The following LRP6 variants were observed in gnomAD, a reference collection of about 807,000 sequenced individuals.
The protein encoded by LRP6 is LDL receptor related protein 6.
LRP6 carries 43 observed loss-of-function variants against 184.1 expected under a neutral mutation model. The ratio of observed to expected loss-of-function variants is 0.23; its 90% CI spans 0.18 to 0.30. The LOEUF (loss-of-function observed/expected upper bound fraction) is 0.30, where lower values mean the gene tolerates loss of function less well. Among genes scored for constraint, LRP6 ranks in the 10% least tolerant of loss-of-function variants. The probability of loss-of-function intolerance (pLI) is 1.00; values close to 1 mark genes in which losing one functional copy is unlikely to be tolerated. For missense variants in LRP6, 1,571 were observed against 2,005.3 expected, an observed-to-expected ratio of 0.78 and a Z score of 4.14; for synonymous variants, 719 against 684.9, an observed-to-expected ratio of 1.05 and a Z score of -0.78.
Position 12,181,434 on chromosome 12 carries a change from T to A in LRP6, c.982A>T (p.Thr328Ser). Residue 328 changes from threonine to serine, a missense_variant, in exon 6 of 23, where the codon ACA (threonine) becomes TCA (serine). Around this residue, in one of 4 missense-constraint regions of LRP6, gnomAD observed 640 missense variants for 851.9 expected, o/e 0.75. Transcript: ENST00000261349. The stretch of plus-strand genomic sequence containing the variant: ...CTTCGAGCTAAAAGCAATAATTCTG[T>A]GGCACCTAGAACAACAAAGTGAAAT... ...ENGKTCKDGA[T>S]ELLLLARRTD... 8.4e-7 allele frequency: 1 copy of A among 1,192,816 alleles called. No homozygotes were observed. The highest frequency in any genetic ancestry group is 2.3e-5 in the East Asian group (1 of 43,004). 73.9% of individuals were successfully genotyped at this position (1,192,816 alleles called of 1,614,324 possible).
chr12:12,173,138 G>GA (rs1173664415), intron 7 of LRP6, among the ~76,000 whole-genome samples: 1 of 152,020 alleles, frequency 6.6e-6, no homozygotes, highest in Non-Finnish European at 1.5e-5. Context: ...TCCAGGAAAC[G>GA]AAAAAATTGA....
chr12:12,155,671 C>G, intron 12 of LRP6: 3 of 981,818 alleles, frequency 3.1e-6, no homozygotes, highest in Non-Finnish European at 4.9e-6. Context: ...CTGGGTTCAA[C>G]TGAAGCGCCA....
Position 12,244,617 on chromosome 12 carries a change from G to C in LRP6, c.94C>G (p.Arg32Gly), listed in dbSNP as rs1865140275. 2.7e-5 allele frequency: 43 copies of C among 1,613,812 alleles called. No homozygotes were observed. The highest frequency in any genetic ancestry group is 3.5e-5 in the Non-Finnish European group (41 of 1,180,000). The part of the protein sequence containing the change: ...LLLYANRRDL[R>G]LVDATNGKEN... ...TTGCCATTTGTAGCATCAACCAATC[G>C]CAAGTCCCGTCTGTTTGCATAAAGC... Residue 32 changes from arginine to glycine, a missense_variant, in exon 2 of 23, where the codon CGA becomes GGA. Coordinates refer to ENST00000261349, the MANE Select transcript of LRP6 (RefSeq NM_002336.3).
At chr12:12,146,977 C>T (rs1291013178) in intron 15 of LRP6, among the ~76,000 whole-genome samples, 1 of 152,150 alleles carries the variant, frequency 6.6e-6, no homozygotes, top group Non-Finnish European at 1.5e-5. Flanking sequence ...ACGGTGAAAC[C>T]CTGTCTCTAC....
In LRP6 at chr12:12,158,929, A is replaced by T. The variant is rs1862668469; in HGVS notation, c.2691T>A (p.Asn897Lys). 1 of 1,614,112 alleles carries T rather than the reference A, an allele frequency of 6.2e-7. No homozygotes were observed. Among genetic ancestry groups the T allele is most frequent in the Admixed American group, 1.7e-5 (1 of 60,018 alleles). ...CCAAGCAGAGGTGGGAGCAGTGCCCATTGCTGGAAGCACATTCATTCCACC... is the reference window on the plus strand; with the variant it reads ...CCAAGCAGAGGTGGGAGCAGTGCCCTTTGCTGGAAGCACATTCATTCCACC... ...QSGWNECASSNGHCSHLCLAV... is the reference protein window; with the variant it reads ...QSGWNECASSKGHCSHLCLAV... Residue 897 changes from asparagine to lysine, a missense_variant, in exon 12 of 23, where the codon AAT becomes AAA. Physicochemically the swap from Asn to Lys is moderately conservative, Grantham distance 94. Coordinates refer to ENST00000261349, the MANE Select transcript of LRP6 (RefSeq NM_002336.3).
rs779335281 is a variant in LRP6 at position 12,125,380 on chromosome 12, G to A, written c.4365C>T (p.Ser1455=). 3 of 1,613,708 alleles carry A rather than the reference G, an allele frequency of 1.9e-6. No individual in the cohort carries two copies. Among genetic ancestry groups the A allele is most frequent in the Non-Finnish European group, 2.5e-6 (3 of 1,179,726 alleles). The change falls in exon 21 of 23, where the codon AGC becomes AGT. Residue 1455 remains serine, a synonymous_variant. Transcript: ENST00000261349. ...MISSLSIMGG[S]SGPPYDRAHV... ...GGGCTCGGTCATAGGGGGGTCCACT[G>A]CTTCCCCCCATGATACTGAGGGAGC...
chr12:12,162,505 G>T, intron 9 of LRP6, 86 bp from the exon 10 acceptor site: 1 of 1,106,476 alleles, frequency 9.0e-7, no homozygotes. Flanking sequence ...TTTGTCAGGG[G>T]CAAGAGGATC....
At chr12:12,128,479 T>C (rs1056249822) in intron 19 of LRP6, among the ~76,000 whole-genome samples, 1 of 152,224 alleles carries the variant, frequency 6.6e-6, no homozygotes, top group South Asian at 2.1e-4. Flanking sequence ...ATCTCTCTTC[T>C]GAGCCACAGT....
intron 1 of LRP6, among the ~76,000 whole-genome samples, chr12:12,252,174 C>T (rs1029691952): frequency 3.3e-5 from 5 of 152,176 alleles, no homozygotes; most frequent in Admixed American, 6.5e-5. Flanking sequence ...CATGGGCCAC[C>T]GCACTGAACT....
chr12:12,223,758 T>C (rs1001077890), intron 2 of LRP6, among the ~76,000 whole-genome samples: 3 of 152,204 alleles, frequency 2.0e-5, no homozygotes, highest in Non-Finnish European at 4.4e-5. Flanking sequence ...TATAGTAAGC[T>C]AAACATGGAC....
chr12:12,264,935 A>G (rs888650901), intron 1 of LRP6, among the ~76,000 whole-genome samples: 1 of 152,230 alleles, frequency 6.6e-6, no homozygotes, highest in African/African-American at 2.4e-5. Flanking sequence ...AGTGCAACCT[A>G]TCTAAATTCC....
chr12:12,196,036 T>C (rs1863747894), intron 3 of LRP6, among the ~76,000 whole-genome samples: 1 of 152,174 alleles, frequency 6.6e-6, no homozygotes, highest in Admixed American at 6.5e-5. Context: ...TCTATTCTGT[T>C]CCATCGGTGT....
chr12:12,154,695 T>C (rs925219096), intron 12 of LRP6, among the ~76,000 whole-genome samples: 15 of 151,876 alleles, frequency 9.9e-5, no homozygotes, highest in African/African-American at 3.4e-4. Flanking sequence ...TAAGACCTGA[T>C]CTCTTAAAAA....
At chr12:12,167,600 G>A (rs916204924) in intron 7 of LRP6, among the ~76,000 whole-genome samples, 13 of 150,358 alleles carry the variant, frequency 8.6e-5, no homozygotes, top group South Asian at 2.1e-4. Flanking sequence ...CCGAGATCGC[G>A]CCACTGCACT....
At chr12:12,183,297 T>C (rs1001989251) in intron 5 of LRP6, among the ~76,000 whole-genome samples, 6 of 152,232 alleles carry the variant, frequency 3.9e-5, no homozygotes, top group Admixed American at 3.3e-4. Context: ...TGGTGATCCA[T>C]AGGGGTGAGA....
chr12:12,240,040 A>C (rs968919859), intron 2 of LRP6, among the ~76,000 whole-genome samples: 1 of 151,552 alleles, frequency 6.6e-6, no homozygotes, highest in Non-Finnish European at 1.5e-5. Flanking sequence ...ACATGTACAC[A>C]CACACACACA....
At chr12:12,126,421 T>C (rs1949671842) in intron 20 of LRP6, among the ~76,000 whole-genome samples, 1 of 152,208 alleles carries the variant, frequency 6.6e-6, no homozygotes, top group Non-Finnish European at 1.5e-5. Flanking sequence ...TCACCTTCCG[T>C]AGCATGCATC....
At position 12,147,504 on chromosome 12, in the gene LRP6, C is replaced by G. The variant is rs1158404381; in HGVS notation, c.3259G>C (p.Ala1087Pro). The G allele has an allele frequency of 3.7e-6, 6 of 1,614,046 alleles. No homozygotes were observed. The highest frequency in any genetic ancestry group is 5.1e-6 in the Non-Finnish European group (6 of 1,179,994). ...ACCTCCCGTTCTGTCCCATCCAAAGCAGCCCGTTCAATTTTAGGAGACCTT... is the reference window on the plus strand; with the variant it reads ...ACCTCCCGTTCTGTCCCATCCAAAGGAGCCCGTTCAATTTTAGGAGACCTT... ...QERSPKIERA[A>P]LDGTEREVLF... The change falls in exon 15 of 23, where the codon GCT becomes CCT. Residue 1087 changes from alanine (A) to proline (P), a missense_variant. By Grantham distance (27) the Ala-to-Pro change is conservative. Transcript: ENST00000261349.
rs1862670286 is a variant in LRP6, at chr12:12,159,005, T to C, written c.2615A>G (p.His872Arg). The C allele has an allele frequency of 6.2e-7, 1 of 1,614,094 alleles. No homozygotes were observed. The highest frequency in any genetic ancestry group is 1.1e-5 in the South Asian group (1 of 91,086). ...GAGGATGTCCATCACATAATCCAAA[T>C]GGCCCTGAATGATGGTGCGGTTTTG... is the stretch of plus-strand genomic sequence containing the variant. ...SGQNRTIIQG[H>R]LDYVMDILVF... The change falls in exon 12 of 23, where the codon CAT (histidine) becomes CGT (arginine). Residue 872 changes from histidine to arginine, a missense_variant. This residue lies in a region of LRP6 where 158 missense variants were observed against 258.4 expected (regional missense o/e 0.61). Coordinates refer to ENST00000261349, the MANE Select transcript of LRP6 (RefSeq NM_002336.3).
Sources: allele counts gnomAD v4.1 joint callset (sites outside exome capture counted in the v4.1 genomes callset), GRCh38; gene constraint gnomAD v4.1.1; regional missense constraint gnomAD v4.1.1; transcripts MANE v1.5; gene names NCBI Gene and HGNC (gene_info 2026-07-23, HGNC 2026-07-21).